PIK3AP1: variants seen among roughly 807,000 people sequenced by gnomAD.
PIK3AP1 encodes the protein phosphoinositide-3-kinase adaptor protein 1, also known as phosphoinositide 3-kinase adapter protein 1.
Under a neutral mutation model 88.1 loss-of-function variants are expected in PIK3AP1, and 21 were observed. That is an observed-to-expected ratio of 0.24 (90% confidence interval 0.17 to 0.34). The LOEUF (loss-of-function observed/expected upper bound fraction) is 0.34, where lower values mean the gene tolerates loss of function less well. PIK3AP1 is among the 10% of genes least tolerant of loss of function. The pLI, the probability that PIK3AP1 is intolerant of heterozygous loss-of-function variation, is 1.00. For missense variants in PIK3AP1, 828 were observed against 1,035.7 expected (o/e 0.80, Z 2.75); for synonymous variants, 398 against 400.0 (o/e 1.00, Z 0.06).
chr10:96,660,955 T>C (rs1293893254), intron 2 of PIK3AP1, among the ~76,000 whole-genome samples: 4 of 152,048 alleles, frequency 2.6e-5, no homozygotes, highest in Non-Finnish European at 5.9e-5. Context: ...GAGGCCAAGG[T>C]AGTTGGATCA....
intron 2 of PIK3AP1, among the ~76,000 whole-genome samples, chr10:96,683,914 T>C (rs74153708): frequency 0.017 from 2,539 of 152,336 alleles, 82 homozygotes; most frequent in African/African-American, 0.058. Flanking sequence ...GCTGGTCACA[T>C]GGCTGTGCTA....
chr10:96,620,124 G>C (rs2134200747), intron 12 of PIK3AP1, among the ~76,000 whole-genome samples: 1 of 152,288 alleles, frequency 6.6e-6, no homozygotes, highest in Non-Finnish European at 1.5e-5. Context: ...CTGATCTCAA[G>C]CCTCATGGTA....
chr10:96,598,120 T>C (rs1348267950), intron 16 of PIK3AP1, among the ~76,000 whole-genome samples: 1 of 148,200 alleles, frequency 6.7e-6, no homozygotes, highest in African/African-American at 2.5e-5. Context: ...CACAGCTTAC[T>C]ACAGCCTCAA....
In PIK3AP1 at chr10:96,595,493, T is replaced by C. The variant is rs937116868; in HGVS notation, c.*84A>G. The C allele has an allele frequency of 5.6e-5, 77 of 1,380,952 alleles. No individual in the cohort carries two copies. The East Asian group carries it at 7.3e-4, about 13-fold the overall frequency. 85.5% of individuals were successfully genotyped at this position (1,380,952 alleles called of 1,614,324 possible). On this transcript the variant is annotated 3_prime_UTR_variant, in exon 17 of 17. Coordinates refer to ENST00000339364, the MANE Select transcript of PIK3AP1 (RefSeq NM_152309.3). The stretch of plus-strand genomic sequence containing the variant: ...GATCTTAAGGTCAACAGTCATGCTA[T>C]AAAACTCAACATGAAGACATCATTA...
chr10:96,599,283 A>C (rs1402962896), intron 16 of PIK3AP1, among the ~76,000 whole-genome samples: 1 of 152,126 alleles, frequency 6.6e-6, no homozygotes, highest in Non-Finnish European at 1.5e-5. Flanking sequence ...AGAAGAAGGC[A>C]GTTTGGGGTA....
At chr10:96,687,267 AAAAAAAAAAAAAAAAAAAG>A (rs1487901435) in intron 2 of PIK3AP1, among the ~76,000 whole-genome samples, 7 of 141,036 alleles carry the variant, frequency 5.0e-5, no homozygotes, top group African/African-American at 1.8e-4. Flanking sequence ...AAAAAAAAAA[AAAAAAAAAAAAAAAAAAAG>A]AAAAAAGATC....
In PIK3AP1 at chr10:96,620,419, G is replaced by A; in HGVS notation, c.1874C>T (p.Ala625Val). Reference sequence around the variant, plus strand: ...CTGCCACTCTTTGAAGTGGAGCACAGCCTCATCCACGTTGACAATGCCCAG... The same window carrying A: ...CTGCCACTCTTTGAAGTGGAGCACAACCTCATCCACGTTGACAATGCCCAG... ...VKLGIVNVDE[A>V]VLHFKEWQLN... Residue 625 changes from alanine to valine, a missense_variant, in exon 12 of 17, where the codon GCT becomes GTT. Transcript: ENST00000339364. The A allele has an allele frequency of 6.2e-7, 1 of 1,614,224 alleles. No individual in the cohort carries two copies. Among genetic ancestry groups the A allele is most frequent in the East Asian group, 2.2e-5 (1 of 44,888 alleles).
intron 2 of PIK3AP1, among the ~76,000 whole-genome samples, chr10:96,663,520 C>T (rs1366640045): frequency 6.7e-6 from 1 of 149,714 alleles, no homozygotes; most frequent in Non-Finnish European, 1.5e-5. Context: ...ATCCCAGCTT[C>T]TCAGGAGGCT....
At chr10:96,613,055 G>A (rs1849155641) in intron 13 of PIK3AP1, among the ~76,000 whole-genome samples, 1 of 137,694 alleles carries the variant, frequency 7.3e-6, no homozygotes, top group Non-Finnish European at 1.5e-5. Flanking sequence ...CTGGAGTGCA[G>A]TGGTGCGATC....
At chr10:96,671,184 G>C (rs1361137975) in intron 2 of PIK3AP1, among the ~76,000 whole-genome samples, 1 of 152,210 alleles carries the variant, frequency 6.6e-6, no homozygotes, top group Non-Finnish European at 1.5e-5. Flanking sequence ...CTTGTGTCCA[G>C]ATTCCCAGTG....
intron 8 of PIK3AP1, among the ~76,000 whole-genome samples, chr10:96,633,802 T>C (rs1843278405): frequency 6.6e-6 from 1 of 152,248 alleles, no homozygotes; most frequent in South Asian, 2.1e-4. Flanking sequence ...AAACTATGCC[T>C]ACTCAATATA....
Position 96,594,717 on chromosome 10 carries a change from T to G in PIK3AP1, c.*860A>C, listed in dbSNP as rs1391090007. On this transcript the variant is annotated 3_prime_UTR_variant, in exon 17 of 17. Transcript: ENST00000339364. The surrounding 1 kb of genome is among the most constrained non-coding windows in gnomAD (Gnocchi z 4.6). The stretch of plus-strand genomic sequence containing the variant: ...GGTTTCCAGCCACTTCTAGATGTTC[T>G]CTGGAAACATAACTGCGTTGAAACC... The G allele has an allele frequency of 6.6e-6, 1 of 152,222 alleles. No individual in the cohort carries two copies. The highest frequency in any genetic ancestry group is 1.5e-5 in the Non-Finnish European group (1 of 68,042). The allele number at this position is 152,222 out of a possible 1,614,324, so 9.4% of individuals were successfully genotyped here.
At chr10:96,623,595 A>G in intron 10 of PIK3AP1, 58 bp from the exon 11 acceptor site, 1 of 1,429,246 alleles carries the variant, frequency 7.0e-7, no homozygotes, top group Non-Finnish European at 9.8e-7. Context: ...GTACAAAATA[A>G]TAATAATAAT....
Position 96,648,698 on chromosome 10 carries a change from G to T in PIK3AP1, c.1146C>A (p.His382Gln). 1 of 1,609,340 alleles carries T rather than the reference G, an allele frequency of 6.2e-7. No individual in the cohort carries two copies. The highest frequency in any genetic ancestry group is 8.5e-7 in the Non-Finnish European group (1 of 1,178,124). ...GHYPNTIAEKHGFRDLRQFID... is the reference protein window; with the variant it reads ...GHYPNTIAEKQGFRDLRQFID... ...TGAACTGCCGCAGGTCCCTGAAGCC[G>T]TGTTTCTCAGCGATGGTGTTGGGGT... The change falls in exon 7 of 17, where the codon CAC (histidine) becomes CAA (glutamine). Residue 382 changes from histidine to glutamine, a missense_variant. Transcript: ENST00000339364.
At chr10:96,597,832 A>G (rs544737203) in intron 16 of PIK3AP1, among the ~76,000 whole-genome samples, 5 of 152,216 alleles carry the variant, frequency 3.3e-5, no homozygotes, top group Non-Finnish European at 7.4e-5. Context: ...CTTACATTTT[A>G]TCTTCTATCA....
chr10:96,661,227 C>G (rs904208722), intron 2 of PIK3AP1, among the ~76,000 whole-genome samples: 11 of 151,622 alleles, frequency 7.3e-5, no homozygotes, highest in Non-Finnish European at 1.3e-4. Context: ...TGTAGGATTC[C>G]AACTATATGA....
intron 12 of PIK3AP1, chr10:96,619,250 C>A (rs76769046): frequency 6.6e-6 from 1 of 152,262 alleles, no homozygotes; most frequent in African/African-American, 2.4e-5. Context: ...CCCCACTCTT[C>A]ACCACTAATC....
chr10:96,620,767 G>C, intron 11 of PIK3AP1: 1 of 532,462 alleles, frequency 1.9e-6, no homozygotes. Flanking sequence ...AGTAGACAAG[G>C]CTGCAACATT....
chr10:96,633,606 G>A (rs1010000218), intron 8 of PIK3AP1, among the ~76,000 whole-genome samples: 4 of 152,082 alleles, frequency 2.6e-5, no homozygotes, highest in African/African-American at 9.7e-5. Flanking sequence ...TCTATACCCA[G>A]GCTAATGTCC....
Sources: allele counts gnomAD v4.1 joint callset (sites outside exome capture counted in the v4.1 genomes callset), GRCh38; gene constraint gnomAD v4.1.1; non-coding constraint Gnocchi (gnomAD v3.1); transcripts MANE v1.5; gene names NCBI Gene and HGNC (gene_info 2026-07-23, HGNC 2026-07-21).